The following MCM9 variants were observed in gnomAD, a reference collection of about 807,000 sequenced individuals.
MCM9 encodes minichromosome maintenance 9 homologous recombination repair factor, also known as DNA helicase MCM9.
Under a neutral mutation model 72.8 loss-of-function variants are expected in MCM9, and 55 were observed. That is an observed-to-expected ratio of 0.76 (90% CI 0.61 to 0.95). MCM9 has a LOEUF of 0.95. Ranked by LOEUF, MCM9 falls within the 40% of genes least tolerant of loss-of-function variation. The pLI is 0.00. For synonymous variants in MCM9, 480 were observed against 503.4 expected, an observed-to-expected ratio of 0.95 and a Z score of 0.62; for missense variants, 1,279 against 1,377.0, an observed-to-expected ratio of 0.93 and a Z score of 1.13.
intron 9 of MCM9, among the ~76,000 whole-genome samples, chr6:118,842,244 T>C (rs1244172087): frequency 6.6e-6 from 1 of 152,238 alleles, no homozygotes; most frequent in Non-Finnish European, 1.5e-5. Context: ...AAAATGTGTC[T>C]TCAACAAATA....
rs544525939 is a variant in MCM9, at chr6:118,835,935, G to A, written c.1326-6685C>T. On this transcript the variant is annotated intron_variant, in intron 9 of 13. Transcript: ENST00000619706. ...ATCCTTGTCTTGTGCCAGTTTTCAA[G>A]GGGAATGCTTCCAGCTTTTGCCCAT... Among the ~76,000 whole-genome samples the A allele has an allele frequency of 1.2e-3, 181 of 152,262 alleles. 1 individual carries two copies. The highest frequency in any genetic ancestry group is 4.2e-3 in the African/African-American group (175 of 41,568).
At position 118,875,255 on chromosome 6, in the gene MCM9, T is replaced by G. The variant is rs146171235; in HGVS notation, c.1151-18710A>C. Among the ~76,000 whole-genome samples, 965 of 152,302 alleles carry G rather than the reference T, an allele frequency of 6.3e-3. 6 individuals are homozygous for G. Among genetic ancestry groups the G allele is most frequent in the African/African-American group, 0.022 (907 of 41,554 alleles). ...GAAGAACTACATAAATGAAAAGATA[T>G]TCCATTTTCATGAATAGGAAGACTT... On this transcript the variant is annotated intron_variant, in intron 8 of 13. Transcript: ENST00000619706.
chr6:118,887,539 G>GTGTA (rs1365038888), intron 8 of MCM9, among the ~76,000 whole-genome samples: 1 of 152,016 alleles, frequency 6.6e-6, no homozygotes, highest in Non-Finnish European at 1.5e-5. Flanking sequence ...GAAAACTCAG[G>GTGTA]TGTAAATCCT....
At chr6:118,843,692 A>ATGTG (rs1562407228) in intron 9 of MCM9, among the ~76,000 whole-genome samples, 11 of 63,792 alleles carry the variant, frequency 1.7e-4, no homozygotes, top group African/African-American at 7.3e-4. Flanking sequence ...ATATGTGTAT[A>ATGTG]TATATATATA....
intron 13 of MCM9, among the ~76,000 whole-genome samples, chr6:118,825,214 T>C (rs1285308511): frequency 6.6e-6 from 1 of 152,138 alleles, no homozygotes; most frequent in East Asian, 1.9e-4. Context: ...AACTTTGATC[T>C]TGGCACCATG....
intron 8 of MCM9, among the ~76,000 whole-genome samples, chr6:118,891,521 C>T (rs1778941032): frequency 6.6e-6 from 1 of 152,142 alleles, no homozygotes; most frequent in Non-Finnish European, 1.5e-5. Flanking sequence ...CTTTGCTTGG[C>T]TTGCAAATGG....
chr6:118,887,079 A>AT (rs1329538078), intron 8 of MCM9, among the ~76,000 whole-genome samples: 6 of 152,284 alleles, frequency 3.9e-5, no homozygotes, highest in Admixed American at 3.9e-4. Context: ...AAAGGGATGT[A>AT]TAGATTCAAT....
At chr6:118,850,551 G>A (rs192577534) in intron 9 of MCM9, among the ~76,000 whole-genome samples, 43 of 151,842 alleles carry the variant, frequency 2.8e-4, no homozygotes, top group Middle Eastern at 3.4e-3. Context: ...AGGTCTCTCC[G>A]ACCCCAAAGC....
chr6:118,833,162 T>C (rs1207566828), intron 9 of MCM9, among the ~76,000 whole-genome samples: 1 of 152,070 alleles, frequency 6.6e-6, no homozygotes, highest in Non-Finnish European at 1.5e-5. Context: ...CACACCACCC[T>C]CAATCCACAT....
intron 5 of MCM9, 72 bp from the exon 6 acceptor site, chr6:118,917,833 AC>A: frequency 7.5e-7 from 1 of 1,335,322 alleles, no homozygotes; most frequent in Non-Finnish European, 1.1e-6. Context: ...ATGACAAAGG[AC>A]CAGAAATTAG....
At chr6:118,853,670 T>C (rs1462724782) in intron 9 of MCM9, among the ~76,000 whole-genome samples, 8 of 152,124 alleles carry the variant, frequency 5.3e-5, no homozygotes, top group Non-Finnish European at 8.8e-5. Flanking sequence ...CCAGGCATAG[T>C]GGTGCGTCCC....
intron 9 of MCM9, among the ~76,000 whole-genome samples, chr6:118,844,352 G>C (rs964698365): frequency 4.8e-5 from 7 of 147,270 alleles, no homozygotes; most frequent in Non-Finnish European, 1.1e-4. Context: ...GAGACAGAGT[G>C]AGTGTTATGA....
At chr6:118,893,541 T>C (rs1259717682) in intron 8 of MCM9, among the ~76,000 whole-genome samples, 2 of 152,144 alleles carry the variant, frequency 1.3e-5, no homozygotes, top group Non-Finnish European at 2.9e-5. Context: ...AAGCACAGTG[T>C]GTAGAAAATC....
intron 9 of MCM9, among the ~76,000 whole-genome samples, chr6:118,853,312 C>T (rs912405004): frequency 2.6e-5 from 4 of 152,186 alleles, no homozygotes; most frequent in African/African-American, 9.6e-5. Context: ...TTGATAATTA[C>T]AGCTTTATAG....
intron 9 of MCM9, among the ~76,000 whole-genome samples, chr6:118,854,129 C>A (rs550803144): frequency 6.6e-6 from 1 of 152,184 alleles, no homozygotes; most frequent in Non-Finnish European, 1.5e-5. Context: ...TTCTTAAATT[C>A]TTTTTGTTTT....
intron 12 of MCM9, 36 bp from the exon 13 acceptor site, chr6:118,826,328 G>A: frequency 1.3e-6 from 2 of 1,538,530 alleles, no homozygotes; most frequent in South Asian, 1.2e-5. Flanking sequence ...GAGTCACCAG[G>A]CCAGCCTGCA....
intron 8 of MCM9, among the ~76,000 whole-genome samples, chr6:118,890,983 C>T (rs900518540): frequency 1.2e-4 from 19 of 152,202 alleles, no homozygotes; most frequent in African/African-American, 3.9e-4. Flanking sequence ...CACGGGCTGA[C>T]ACTCAATTTA....
At chr6:118,860,893 A>T (rs945911806) in intron 8 of MCM9, among the ~76,000 whole-genome samples, 6 of 152,106 alleles carry the variant, frequency 3.9e-5, no homozygotes, top group African/African-American at 1.4e-4. Context: ...GATCCTTAGG[A>T]TGTCGCTTTG....
At position 118,814,873 on chromosome 6, in the gene MCM9, T is replaced by A. The variant is rs1446317116; in HGVS notation, c.3383A>T (p.Asp1128Val). 1.3e-6 allele frequency: 2 copies of A among 1,536,562 alleles called. No individual in the cohort carries two copies. The highest frequency in any genetic ancestry group is 8.8e-7 in the Non-Finnish European group (1 of 1,140,986). The change falls in exon 14 of 14, where the codon GAT becomes GTT. Residue 1128 changes from aspartate to valine, a missense_variant. Coordinates refer to ENST00000619706, the MANE Select transcript of MCM9 (RefSeq NM_017696.3). ...ATCCCAGTCACAATCAAATGCTTCA[T>A]CACCTAGTTCTGGTAAAGTGAAGAG... is the stretch of plus-strand genomic sequence containing the variant. ...ESLFTLPELG[D>V]EAFDCDWDEE...
Sources: allele counts gnomAD v4.1 joint callset (sites outside exome capture counted in the v4.1 genomes callset), GRCh38; gene constraint gnomAD v4.1.1; transcripts MANE v1.5; gene names NCBI Gene and HGNC (gene_info 2026-07-23, HGNC 2026-07-21).